Variants in GUCY1A2 observed in about 807,000 individuals in gnomAD.
GUCY1A2 encodes the protein guanylate cyclase 1 soluble subunit alpha 2, also known as guanylate cyclase soluble subunit alpha-2.
GUCY1A2 carries 27 observed loss-of-function variants against 63.5 expected under a neutral mutation model. The observed-to-expected ratio is 0.43, with a 90% CI of 0.31 to 0.59. GUCY1A2 has a LOEUF of 0.59. Among genes scored for constraint, GUCY1A2 ranks in the 20% least tolerant of loss-of-function variants. The pLI is 0.11. For missense variants in GUCY1A2, 768 were observed against 913.3 expected, an observed-to-expected ratio of 0.84 and a Z score of 2.05; for synonymous variants, 364 against 343.5, an observed-to-expected ratio of 1.06 and a Z score of -0.66.
At chr11:106,865,359 AG>A (rs1174796041) in intron 4 of GUCY1A2, among the ~76,000 whole-genome samples, 1 of 151,984 alleles carries the variant, frequency 6.6e-6, no homozygotes, top group Non-Finnish European at 1.5e-5. Context: ...GATTTTTTGA[AG>A]GGTTTTTTGT....
chr11:106,777,006 G>T (rs921929056), intron 5 of GUCY1A2, among the ~76,000 whole-genome samples: 1 of 152,030 alleles, frequency 6.6e-6, no homozygotes, highest in African/African-American at 2.4e-5. Flanking sequence ...CACACTTTTA[G>T]ATATATCTGT....
At chr11:106,856,887 A>C (rs1376076486) in intron 4 of GUCY1A2, among the ~76,000 whole-genome samples, 1 of 152,188 alleles carries the variant, frequency 6.6e-6, no homozygotes, top group Non-Finnish European at 1.5e-5. Context: ...CATCATCTGG[A>C]CATTCTTTTC....
At chr11:106,761,792 G>A (rs536748092) in intron 6 of GUCY1A2, among the ~76,000 whole-genome samples, 54 of 152,212 alleles carry the variant, frequency 3.5e-4, no homozygotes, top group African/African-American at 1.3e-3. Flanking sequence ...AATATGGTAT[G>A]ACTCTTGCTT....
chr11:106,851,851 A>G (rs1414812309), intron 4 of GUCY1A2, among the ~76,000 whole-genome samples: 2 of 152,076 alleles, frequency 1.3e-5, no homozygotes, highest in East Asian at 3.9e-4. Context: ...TGGATCTCAT[A>G]CAAATTTTAG....
At chr11:106,743,286 GA>G (rs897714202) in intron 6 of GUCY1A2, among the ~76,000 whole-genome samples, 3 of 152,098 alleles carry the variant, frequency 2.0e-5, no homozygotes, top group African/African-American at 7.2e-5. Flanking sequence ...CTTCCCGCTT[GA>G]AAAAGGTCAC....
chr11:106,888,814 T>C (rs182877018), intron 4 of GUCY1A2, among the ~76,000 whole-genome samples: 1 of 152,288 alleles, frequency 6.6e-6, no homozygotes, highest in East Asian at 1.9e-4. Flanking sequence ...ATTAGACATC[T>C]TGATGTATCC....
At chr11:106,832,210 CCAGT>C (rs1246834404) in intron 4 of GUCY1A2, among the ~76,000 whole-genome samples, 1 of 152,032 alleles carries the variant, frequency 6.6e-6, no homozygotes, top group African/African-American at 2.4e-5. Flanking sequence ...AGTTTGCATT[CCAGT>C]CAGATGGTTT....
intron 4 of GUCY1A2, among the ~76,000 whole-genome samples, chr11:106,894,907 T>C (rs1860024960): frequency 6.6e-6 from 1 of 151,842 alleles, no homozygotes; most frequent in Non-Finnish European, 1.5e-5. Context: ...AAAGTCAGAA[T>C]AGAAACCTAT....
chr11:106,970,624 C>G (rs1861181463), intron 3 of GUCY1A2, among the ~76,000 whole-genome samples: 1 of 152,134 alleles, frequency 6.6e-6, no homozygotes, highest in Non-Finnish European at 1.5e-5. Context: ...AAGTCTCATT[C>G]ATTGCTTTTG....
rs1438215213 is a variant in GUCY1A2, at chr11:106,676,136, A to G, written c.*11413T>C. 1.1e-5 allele frequency: 2 copies of G among 181,382 alleles called. No homozygotes were observed. Among genetic ancestry groups the G allele is most frequent in the Admixed American group, 6.3e-5 (1 of 15,886 alleles). 11.2% of individuals were successfully genotyped at this position (181,382 alleles called of 1,614,324 possible). On this transcript the variant is annotated 3_prime_UTR_variant, in exon 8 of 8. Transcript: ENST00000526355. ...TTAATACATAAAAATAAAAAACCAG[A>G]AAGAATACAATTTTAAGTTTGGGAG...
intron 4 of GUCY1A2, among the ~76,000 whole-genome samples, chr11:106,821,103 T>A (rs1858896262): frequency 6.6e-6 from 1 of 152,206 alleles, no homozygotes; most frequent in Admixed American, 6.5e-5. Flanking sequence ...CTTTTCTTTT[T>A]AAATCACAGC....
chr11:106,897,473 T>C (rs569027762), intron 4 of GUCY1A2, among the ~76,000 whole-genome samples: 2 of 151,906 alleles, frequency 1.3e-5, no homozygotes, highest in African/African-American at 4.8e-5. Flanking sequence ...GAAATCAAAA[T>C]AGAGTGGTAT....
chr11:106,897,016 G>A (rs1289321419), intron 4 of GUCY1A2, among the ~76,000 whole-genome samples: 3 of 152,054 alleles, frequency 2.0e-5, no homozygotes, highest in East Asian at 3.9e-4. Flanking sequence ...TCAGTGTATA[G>A]GGTTAATATA....
chr11:106,857,950 A>T (rs1370017576), intron 4 of GUCY1A2, among the ~76,000 whole-genome samples: 4 of 152,212 alleles, frequency 2.6e-5, no homozygotes, highest in African/African-American at 9.6e-5. Flanking sequence ...CAAATCCAGG[A>T]CTTTAAGAAG....
At chr11:106,933,420 G>A (rs1042659219) in intron 4 of GUCY1A2, among the ~76,000 whole-genome samples, 3 of 152,204 alleles carry the variant, frequency 2.0e-5, no homozygotes, top group East Asian at 1.9e-4. Flanking sequence ...CAGGCAGAAT[G>A]GGTATTATTA....
At chr11:106,784,680 T>A (rs1356961282) in intron 5 of GUCY1A2, among the ~76,000 whole-genome samples, 1 of 152,134 alleles carries the variant, frequency 6.6e-6, no homozygotes, top group Non-Finnish European at 1.5e-5. Context: ...GTTATTAAGA[T>A]TTTTTTTAGT....
At chr11:106,955,354 T>C (rs572250959) in intron 3 of GUCY1A2, among the ~76,000 whole-genome samples, 2 of 152,298 alleles carry the variant, frequency 1.3e-5, no homozygotes, top group South Asian at 4.2e-4. Context: ...CATGATGCTA[T>C]TTGGTTATTT....
chr11:106,692,151 A>C (rs1862636203), intron 7 of GUCY1A2, among the ~76,000 whole-genome samples: 3 of 152,110 alleles, frequency 2.0e-5, no homozygotes, highest in Admixed American at 2.0e-4. Context: ...TCTGCCTAAC[A>C]ATCCATTTCT....
At chr11:106,833,718 C>G (rs1032913878) in intron 4 of GUCY1A2, among the ~76,000 whole-genome samples, 4 of 151,958 alleles carry the variant, frequency 2.6e-5, no homozygotes, top group African/African-American at 9.7e-5. Context: ...ACTTAATCAA[C>G]CGTAAGTAAA....
Sources: allele counts gnomAD v4.1 joint callset (sites outside exome capture counted in the v4.1 genomes callset), GRCh38; gene constraint gnomAD v4.1.1; transcripts MANE v1.5; gene names NCBI Gene and HGNC (gene_info 2026-07-23, HGNC 2026-07-21).